ZDHHC11B: variants seen among roughly 807,000 people sequenced by gnomAD.
The protein encoded by ZDHHC11B is zDHHC palmitoyltransferase 11B (putative), also known as probable palmitoyltransferase ZDHHC11B.
ZDHHC11B carries 17 observed loss-of-function variants against 42.3 expected under a neutral mutation model. The observed-to-expected ratio is 0.40, with a 90% CI of 0.27 to 0.60. ZDHHC11B has a LOEUF of 0.60. Among genes scored for constraint, ZDHHC11B ranks in the 20% least tolerant of loss-of-function variants. The probability of loss-of-function intolerance (pLI) is 0.41; values close to 1 mark genes in which losing one functional copy is unlikely to be tolerated. For missense variants in ZDHHC11B, 262 were observed against 463.2 expected (o/e 0.57, Z 3.99); for synonymous variants, 123 against 193.5 (o/e 0.64, Z 3.02).
At position 711,917 on chromosome 5, in the gene ZDHHC11B, C is replaced by A. The variant is rs1401918139; in HGVS notation, c.*373G>T. ...GTGCTCACAGGTGTGAGCCAACATG[C>A]CCGGCCCATCAGCTCTTAAGCAGCA... On this transcript the variant is annotated 3_prime_UTR_variant, in exon 14 of 14. Transcript: ENST00000508859. The A allele has an allele frequency of 1.7e-5, 1 of 60,208 alleles. No individual in the cohort carries two copies. The highest frequency in any genetic ancestry group is 3.4e-5 in the Non-Finnish European group (1 of 29,290). The allele number at this position is 60,208 out of a possible 1,614,324, so 3.7% of individuals were successfully genotyped here.
intron 1 of ZDHHC11B, among the ~76,000 whole-genome samples, chr5:771,564 A>G (rs1320629769): frequency 5.3e-5 from 8 of 151,654 alleles, no homozygotes; most frequent in Admixed American, 5.3e-4. Context: ...AGGCTGGGTC[A>G]GGTGTCGAGC....
intron 9 of ZDHHC11B, among the ~76,000 whole-genome samples, chr5:743,716 T>C (rs1744423885): frequency 1.3e-5 from 2 of 149,966 alleles, no homozygotes; most frequent in Admixed American, 6.8e-5. Flanking sequence ...GATCGAGATG[T>C]GCGAGTGTGT....
At chr5:747,528 A>G (rs1356021669) in intron 8 of ZDHHC11B, 2 of 146,614 alleles carry the variant, frequency 1.4e-5, no homozygotes, top group Non-Finnish European at 3.0e-5. Flanking sequence ...GGTTATGAAC[A>G]AGGAGGCTCT....
chr5:774,123 T>A (rs1241313402), intron 1 of ZDHHC11B, among the ~76,000 whole-genome samples: 1 of 151,898 alleles, frequency 6.6e-6, no homozygotes, highest in Non-Finnish European at 1.5e-5. Flanking sequence ...CAGGCCACCT[T>A]GGCCCCAACC....
Position 748,541 on chromosome 5 carries a change from G to A in ZDHHC11B, c.647C>T (p.Thr216Met), listed in dbSNP as rs534415140. 7.0e-5 allele frequency: 95 copies of A among 1,364,626 alleles called. 26 individuals carry two copies. In the South Asian group the frequency reaches 1.0e-3, roughly 15 times the overall value. The allele number at this position is 1,364,626 out of a possible 1,614,324, so 84.5% of individuals were successfully genotyped here. ...PRYEDVKNMN[T>M]WLLFLPLFPV... ...GAACAGGGGGAGGAACAGCAGCCAC[G>A]TGTTCATATTCTTGACATCTGGGGA... is the stretch of plus-strand genomic sequence containing the variant. Residue 216 changes from threonine to methionine, a missense_variant, in exon 8 of 14, where the codon ACG becomes ATG. Thr to Met is a moderately conservative substitution (Grantham distance 81). This residue lies in a region of ZDHHC11B where 57 missense variants were observed against 103.3 expected (regional missense o/e 0.55). Coordinates refer to ENST00000508859, the MANE Select transcript of ZDHHC11B (RefSeq NM_001351303.2).
intron 4 of ZDHHC11B, among the ~76,000 whole-genome samples, chr5:766,100 G>C (rs1579426786): frequency 6.6e-6 from 1 of 151,866 alleles, no homozygotes; most frequent in African/African-American, 2.4e-5. Context: ...TCAGCTGGAG[G>C]TAGTGCAGAG....
chr5:724,371 ATTTTTT>A (rs386402805), intron 12 of ZDHHC11B, among the ~76,000 whole-genome samples: 14 of 81,430 alleles, frequency 1.7e-4, no homozygotes, highest in Non-Finnish European at 2.8e-4. Context: ...AACCCAGCTA[ATTTTTT>A]TTTTTTTTTT....
rs1391001477 is a variant in ZDHHC11B at position 713,637 on chromosome 5, C to G, written c.*8-1355G>C. Among the ~76,000 whole-genome samples, 5 of 152,014 alleles carry G rather than the reference C, an allele frequency of 3.3e-5. No homozygotes were observed. In the East Asian group the frequency reaches 9.6e-4, roughly 29 times the overall value. On this transcript the variant is annotated intron_variant, in intron 13 of 13. Transcript: ENST00000508859. The stretch of plus-strand genomic sequence containing the variant: ...TGGGAATGACCAGTTCAGAATCACT[C>G]TCTATTAAATTCTCAGCTTGGGGAC...
intron 12 of ZDHHC11B, among the ~76,000 whole-genome samples, chr5:725,007 G>A (rs1742469947): frequency 6.7e-6 from 1 of 149,638 alleles, no homozygotes; most frequent in Admixed American, 6.7e-5. Context: ...GACCCTTCCT[G>A]TAGATGGTGA....
chr5:770,240 C>A (rs1735892667), intron 1 of ZDHHC11B, among the ~76,000 whole-genome samples: 1 of 150,444 alleles, frequency 6.6e-6, no homozygotes, highest in African/African-American at 2.4e-5. Context: ...GATGGGCAGG[C>A]CCTCCTGGGG....
At chr5:784,352 C>A (rs548469636) in intron 1 of ZDHHC11B, among the ~76,000 whole-genome samples, 1 of 152,096 alleles carries the variant, frequency 6.6e-6, no homozygotes, top group African/African-American at 2.4e-5. Context: ...TCCGTGGCCG[C>A]GAAGAAAGGC....
At chr5:722,262 G>C (rs1349612110) in intron 12 of ZDHHC11B, among the ~76,000 whole-genome samples, 1 of 151,774 alleles carries the variant, frequency 6.6e-6, no homozygotes, top group Non-Finnish European at 1.5e-5. Context: ...ATTAAACATG[G>C]AGTTAAGCTG....
At chr5:734,257 G>GA (rs1294109367) in intron 10 of ZDHHC11B, among the ~76,000 whole-genome samples, 2 of 111,284 alleles carry the variant, frequency 1.8e-5, no homozygotes, top group Non-Finnish European at 3.6e-5. Flanking sequence ...CAGCATACCA[G>GA]AAAAAACAAA....
chr5:770,110 C>A (rs1171891411), intron 1 of ZDHHC11B, among the ~76,000 whole-genome samples: 2 of 151,526 alleles, frequency 1.3e-5, no homozygotes, highest in African/African-American at 4.8e-5. Flanking sequence ...GCCTTGTCAG[C>A]CATGTTGCTA....
chr5:724,968 T>A (rs7724974), intron 12 of ZDHHC11B, among the ~76,000 whole-genome samples: 1 of 141,862 alleles, frequency 7.0e-6, no homozygotes, highest in Non-Finnish European at 1.5e-5. Context: ...CTTCTGGGCC[T>A]TTGTTGCTGT....
rs1323278985 is a variant in ZDHHC11B at position 772,388 on chromosome 5, G to A, written c.-229-3458C>T. Reference sequence around the variant, plus strand: ...AAGGAACAGGGGTCAGACCATCGCCGGATCTACTGAAGACAGACACTGCCT... The same window carrying A: ...AAGGAACAGGGGTCAGACCATCGCCAGATCTACTGAAGACAGACACTGCCT... On this transcript the variant is annotated intron_variant, in intron 1 of 13. Transcript: ENST00000508859. 5.4e-5 allele frequency among the ~76,000 whole-genome samples: 8 copies of A among 149,052 alleles called. No individual in the cohort carries two copies. The East Asian group carries it at 1.2e-3, about 22-fold the overall frequency.
chr5:775,011 G>T (rs1736357268), intron 1 of ZDHHC11B, among the ~76,000 whole-genome samples: 1 of 151,976 alleles, frequency 6.6e-6, no homozygotes, highest in Admixed American at 6.6e-5. Flanking sequence ...CATCAGCAGT[G>T]CCGGGTCAAA....
intron 8 of ZDHHC11B, among the ~76,000 whole-genome samples, chr5:746,053 G>C (rs1174666242): frequency 6.7e-6 from 1 of 149,746 alleles, no homozygotes; most frequent in East Asian, 2.1e-4. Flanking sequence ...AAGCAGCCCA[G>C]GGAAGCAAAG....
In ZDHHC11B at chr5:759,623, GACGCGGGC is replaced by G. The variant is rs377317154; in HGVS notation, c.223-3487_223-3480del. 2.2e-4 allele frequency among the ~76,000 whole-genome samples: 33 copies of G among 152,110 alleles called. 1 individual carries two copies. The highest frequency in any genetic ancestry group is 7.0e-4 in the African/African-American group (29 of 41,506). On this transcript the variant is annotated intron_variant, in intron 4 of 13. Coordinates refer to ENST00000508859, the MANE Select transcript of ZDHHC11B (RefSeq NM_001351303.2). The stretch of plus-strand genomic sequence containing the variant: ...GCCTGTTTCCCTTTGCAGAAGAACA[GACGCGGGC>G]ACGCGGGCACTGAGGCATGCTCTGG...
Sources: gnomAD v4.1 joint callset for allele counts (sites outside exome capture counted in the v4.1 genomes callset) on GRCh38, gnomAD v4.1.1 for gene constraint, gnomAD v4.1.1 regional missense constraint, MANE v1.5 for transcripts, NCBI Gene and HGNC (gene_info 2026-07-23, HGNC 2026-07-21) for gene names.